EXOC4: variants seen among roughly 807,000 people sequenced by gnomAD.
The protein encoded by EXOC4 is SEC8-like 1.
A neutral mutation model predicts 107.2 loss-of-function variants in EXOC4; 71 were observed. That is an observed-to-expected ratio of 0.66 (90% CI 0.55 to 0.81). EXOC4 has a LOEUF of 0.81. EXOC4 is among the 30% of genes least tolerant of loss of function. The pLI, the probability that EXOC4 is intolerant of heterozygous loss-of-function variation, is 0.00. For synonymous variants in EXOC4, 456 were observed against 441.2 expected, an observed-to-expected ratio of 1.03 and a Z score of -0.42; for missense variants, 1,108 against 1,189.6, an observed-to-expected ratio of 0.93 and a Z score of 1.01.
intron 9 of EXOC4, among the ~76,000 whole-genome samples, chr7:133,600,934 A>G (rs920665310): frequency 4.6e-5 from 7 of 152,200 alleles, no homozygotes; most frequent in Non-Finnish European, 2.9e-5. Context: ...TGTATAGATT[A>G]TGCTAAGAAA....
At chr7:133,254,106 T>G (rs1376219536) in intron 1 of EXOC4, 1 of 152,224 alleles carries the variant, frequency 6.6e-6, no homozygotes, top group East Asian at 1.9e-4. Context: ...GCAAGTTTTC[T>G]GGAATGTATT....
intron 10 of EXOC4, among the ~76,000 whole-genome samples, chr7:133,680,843 A>G (rs1207389416): frequency 2.6e-5 from 4 of 152,276 alleles, no homozygotes; most frequent in Admixed American, 6.5e-5. Flanking sequence ...ACATTGATCT[A>G]CTTCTTCCCT....
chr7:133,770,443 A>G (rs1796222779), intron 10 of EXOC4, among the ~76,000 whole-genome samples: 2 of 152,044 alleles, frequency 1.3e-5, no homozygotes, highest in East Asian at 1.9e-4. Flanking sequence ...GCTGTAAACC[A>G]TAATTTGATG....
At chr7:133,929,206 T>C (rs1220726313) in intron 13 of EXOC4, among the ~76,000 whole-genome samples, 1 of 152,010 alleles carries the variant, frequency 6.6e-6, no homozygotes, top group African/African-American at 2.4e-5. Flanking sequence ...GCTGGTATTA[T>C]AGGCATGAGC....
intron 9 of EXOC4, among the ~76,000 whole-genome samples, chr7:133,591,069 G>T (rs557879937): frequency 1.3e-5 from 2 of 152,308 alleles, no homozygotes; most frequent in East Asian, 3.9e-4. Context: ...GGGGTTGAGG[G>T]CTGTGGGCTG....
rs1437627414 is a variant in EXOC4 at position 133,374,911 on chromosome 7, A to G, written c.1091A>G (p.Gln364Arg). Residue 364 changes from glutamine (Q) to arginine (R), a missense_variant, in exon 7 of 18, where the codon CAG becomes CGG. Physicochemically the swap from Gln to Arg is conservative, Grantham distance 43. Coordinates refer to ENST00000253861, the MANE Select transcript of EXOC4 (RefSeq NM_021807.4). ...AAHSVVLGYL[Q>R]DTVVTPLTQQ... The stretch of plus-strand genomic sequence containing the variant: ...CACTCTGTGGTCCTGGGATACCTGC[A>G]GGACACTGTAGTGACTCCACTGACT... 32 of 1,613,944 alleles carry G rather than the reference A, an allele frequency of 2.0e-5. No homozygotes were observed. Among genetic ancestry groups the G allele is most frequent in the Non-Finnish European group, 2.4e-5 (28 of 1,179,920 alleles).
chr7:133,813,006 G>A (rs960411169), intron 10 of EXOC4, among the ~76,000 whole-genome samples: 9 of 152,096 alleles, frequency 5.9e-5, no homozygotes, highest in African/African-American at 1.7e-4. Context: ...CATGTTTTGT[G>A]CTTCTGTACA....
chr7:133,647,652 G>C (rs1489910909), intron 10 of EXOC4, among the ~76,000 whole-genome samples: 1 of 152,152 alleles, frequency 6.6e-6, no homozygotes, highest in Admixed American at 6.5e-5. Flanking sequence ...AGGCTCAAAG[G>C]CTCGAGGACT....
chr7:133,626,717 G>T (rs1036819839), intron 9 of EXOC4, among the ~76,000 whole-genome samples: 2 of 152,106 alleles, frequency 1.3e-5, no homozygotes, highest in African/African-American at 4.8e-5. Context: ...CCCTGTCAAT[G>T]TGCATATATT....
intron 10 of EXOC4, among the ~76,000 whole-genome samples, chr7:133,699,834 G>A (rs937606508): frequency 3.3e-5 from 5 of 152,246 alleles, no homozygotes; most frequent in East Asian, 3.9e-4. Context: ...GTTTGATTTT[G>A]ATTTAATGAA....
chr7:133,971,714 A>G (rs1295688808), intron 14 of EXOC4, among the ~76,000 whole-genome samples: 4 of 152,076 alleles, frequency 2.6e-5, no homozygotes, highest in East Asian at 1.9e-4. Context: ...GAAGGAGACA[A>G]TTCATTACTG....
intron 9 of EXOC4, among the ~76,000 whole-genome samples, chr7:133,615,282 C>G (rs562964881): frequency 6.6e-6 from 1 of 152,022 alleles, no homozygotes; most frequent in Non-Finnish European, 1.5e-5. Context: ...CTCCTCCCCC[C>G]TCATCTACTC....
chr7:133,644,900 T>G (rs767698106), intron 10 of EXOC4, among the ~76,000 whole-genome samples: 26 of 152,166 alleles, frequency 1.7e-4, no homozygotes, highest in Non-Finnish European at 3.4e-4. Flanking sequence ...TTCATTTTTC[T>G]GTATTCTTCC....
At chr7:133,416,069 A>G (rs1374291204) in intron 7 of EXOC4, among the ~76,000 whole-genome samples, 1 of 152,220 alleles carries the variant, frequency 6.6e-6, no homozygotes, top group African/African-American at 2.4e-5. Flanking sequence ...TATATTTGGC[A>G]ATTCTTATTA....
At chr7:133,851,895 A>C (rs1585197901) in intron 11 of EXOC4, among the ~76,000 whole-genome samples, 1 of 152,102 alleles carries the variant, frequency 6.6e-6, no homozygotes, top group African/African-American at 2.4e-5. Flanking sequence ...ACTACATTAT[A>C]CTGCTGTTAG....
At chr7:133,772,175 C>T (rs1796257519) in intron 10 of EXOC4, among the ~76,000 whole-genome samples, 1 of 151,938 alleles carries the variant, frequency 6.6e-6, no homozygotes. Context: ...AGCCGTTCTG[C>T]ACATTTATGT....
intron 9 of EXOC4, 48 bp from the exon 10 acceptor site, chr7:133,629,997 A>T (rs773274788): frequency 7.2e-7 from 1 of 1,391,046 alleles, no homozygotes; most frequent in Non-Finnish European, 1.0e-6. Context: ...TTGTTTATTT[A>T]TAAAAGTTTC....
chr7:133,868,777 C>G (rs1307171326), intron 11 of EXOC4, among the ~76,000 whole-genome samples: 2 of 152,056 alleles, frequency 1.3e-5, no homozygotes, highest in African/African-American at 4.8e-5. Context: ...TTGTTTTCTC[C>G]CTTCTGTTCT....
chr7:133,663,102 C>A (rs2151048840), intron 10 of EXOC4, among the ~76,000 whole-genome samples: 1 of 152,268 alleles, frequency 6.6e-6, no homozygotes, highest in South Asian at 2.1e-4. Context: ...CAAAGTGTCA[C>A]CACCATTGTG....
Sources: allele counts gnomAD v4.1 joint callset (sites outside exome capture counted in the v4.1 genomes callset), GRCh38; gene constraint gnomAD v4.1.1; transcripts MANE v1.5; gene names NCBI Gene and HGNC (gene_info 2026-07-23, HGNC 2026-07-21).